Variants in URB2 observed in about 807,000 individuals in gnomAD.
URB2 encodes the protein URB2 ribosome biogenesis homolog, also known as unhealthy ribosome biogenesis protein 2 homolog.
Under a neutral mutation model 120.9 loss-of-function variants are expected in URB2, and 86 were observed. The observed-to-expected ratio is 0.71, with a 90% CI of 0.60 to 0.85. The LOEUF (loss-of-function observed/expected upper bound fraction) is 0.85. Ranked by LOEUF, URB2 falls within the 40% of genes least tolerant of loss-of-function variation. The probability of loss-of-function intolerance (pLI) is 0.00; values close to 1 mark genes in which losing one functional copy is unlikely to be tolerated. For missense variants in URB2, 1,765 were observed against 1,836.5 expected (o/e 0.96, Z 0.71); for synonymous variants, 755 against 758.4 (o/e 1.00, Z 0.07).
At chr1:229,652,419 A>G (rs1243456930) in intron 8 of URB2, among the ~76,000 whole-genome samples, 1 of 152,016 alleles carries the variant, frequency 6.6e-6, no homozygotes, top group Non-Finnish European at 1.5e-5. Flanking sequence ...CTCTCCCACC[A>G]TTGTGGTTCA....
intron 7 of URB2, among the ~76,000 whole-genome samples, chr1:229,648,045 C>T (rs113226585): frequency 5.3e-5 from 8 of 152,222 alleles, no homozygotes; most frequent in African/African-American, 1.9e-4. Context: ...CTCCAAAGCT[C>T]GAAACTTTTA....
At chr1:229,627,845 TAAA>T in intron 2 of URB2, 86 bp downstream of exon 2, 1 of 1,453,508 alleles carries the variant, frequency 6.9e-7, no homozygotes, top group Non-Finnish European at 9.1e-7. Context: ...TTGGTTAAAA[TAAA>T]AAAATAGAGA....
chr1:229,626,554 A>G (rs925931464), intron 1 of URB2, among the ~76,000 whole-genome samples, 198 bp downstream of exon 1: 2 of 152,086 alleles, frequency 1.3e-5, no homozygotes, highest in Non-Finnish European at 1.5e-5. Context: ...GCGAAGGCGA[A>G]CTCCCTCCTG....
chr1:229,630,999 A>G (rs1270241179), intron 2 of URB2, among the ~76,000 whole-genome samples: 1 of 151,410 alleles, frequency 6.6e-6, no homozygotes, highest in Non-Finnish European at 1.5e-5. Flanking sequence ...AAAAAAAAAA[A>G]AAAAAAGAAA....
chr1:229,634,504 C>T (rs1012795957), intron 3 of URB2, among the ~76,000 whole-genome samples: 1 of 152,166 alleles, frequency 6.6e-6, no homozygotes, highest in Non-Finnish European at 1.5e-5. Flanking sequence ...TGTGCCTGGC[C>T]TATAAACATG....
chr1:229,634,549 C>T (rs551585871), intron 3 of URB2, among the ~76,000 whole-genome samples: 1 of 152,318 alleles, frequency 6.6e-6, no homozygotes, highest in South Asian at 2.1e-4. Context: ...TTAAGTGCAA[C>T]TTTCCCTCTG....
At chr1:229,651,834 A>C (rs1161472780) in intron 8 of URB2, among the ~76,000 whole-genome samples, 1 of 152,220 alleles carries the variant, frequency 6.6e-6, no homozygotes, top group Admixed American at 6.5e-5. Context: ...TTCATTTTTC[A>C]GCTTTGAAGT....
At chr1:229,630,823 T>TA (rs973837959) in intron 2 of URB2, among the ~76,000 whole-genome samples, 11 of 149,634 alleles carry the variant, frequency 7.4e-5, no homozygotes, top group African/African-American at 1.2e-4. Context: ...CCCCTAAAAA[T>TA]AAAAAAAAAT....
chr1:229,628,195 A>G (rs990372067), intron 2 of URB2, among the ~76,000 whole-genome samples: 1 of 144,408 alleles, frequency 6.9e-6, no homozygotes, highest in Non-Finnish European at 1.5e-5. Flanking sequence ...TATATAATAT[A>G]TATGTATATA....
chr1:229,658,633 G>T (rs1244333821), intron 9 of URB2, among the ~76,000 whole-genome samples: 1 of 152,158 alleles, frequency 6.6e-6, no homozygotes, highest in Non-Finnish European at 1.5e-5. Context: ...GGGGTGAGAT[G>T]GGGGTCATAG....
chr1:229,659,032 T>G, intron 9 of URB2, 68 bp from the exon 10 acceptor site: 2 of 1,516,042 alleles, frequency 1.3e-6, no homozygotes, highest in Non-Finnish European at 9.0e-7. Context: ...CCCAAGGCAT[T>G]GTTGGCAGGT....
At chr1:229,654,449 CT>C in intron 9 of URB2, 61 bp downstream of exon 9, 1 of 1,603,872 alleles carries the variant, frequency 6.2e-7, no homozygotes, top group Non-Finnish European at 8.5e-7. Flanking sequence ...AGCAGGGTTT[CT>C]CAACCAAAAT....
rs569554362 is a variant in URB2, at chr1:229,643,448, A to G, written c.3635-85A>G. ...CTTGGTGATTTTTGATGGCGGCCAC[A>G]GCTGTGCGCAGTTTCATCCTATGGC... On this transcript the variant is annotated intron_variant, in intron 4 of 9. Transcript: ENST00000258243. The G allele has an allele frequency of 7.1e-5, 107 of 1,516,530 alleles. No homozygotes were observed. The South Asian group carries it at 1.0e-3, about 15-fold the overall frequency. The allele number at this position is 1,516,530 out of a possible 1,614,324, so 93.9% of individuals were successfully genotyped here.
Position 229,638,199 on chromosome 1 carries a change from G to A in URB2, c.3586G>A (p.Asp1196Asn). 1.2e-6 allele frequency: 2 copies of A among 1,613,240 alleles called. No homozygotes were observed. Among genetic ancestry groups the A allele is most frequent in the Non-Finnish European group, 1.7e-6 (2 of 1,179,632 alleles). ...GGCCCCAGAACTGCATCCCAAAAAG[G>A]ACTCCGTGTTTACCTCCATGTTTCA... The part of the protein sequence containing the change: ...FLAPELHPKK[D>N]SVFTSMFHSV... The change falls in exon 4 of 10, where the codon GAC becomes AAC. Residue 1196 changes from aspartate to asparagine, a missense_variant. By Grantham distance (23) the Asp-to-Asn change is conservative. Transcript: ENST00000258243.
intron 8 of URB2, among the ~76,000 whole-genome samples, chr1:229,653,522 A>G (rs1666331423): frequency 6.6e-6 from 1 of 152,122 alleles, no homozygotes; most frequent in South Asian, 2.1e-4. Context: ...CTGGAGTTTT[A>G]TAAAAATGTG....
intron 7 of URB2, among the ~76,000 whole-genome samples, chr1:229,650,219 G>A (rs189461242): frequency 8.5e-5 from 13 of 152,304 alleles, no homozygotes; most frequent in African/African-American, 3.1e-4. Context: ...TGTCTCCATC[G>A]TCCAGTATGG....
Position 229,637,560 on chromosome 1 carries a change from A to G in URB2, c.2947A>G (p.Ser983Gly), listed in dbSNP as rs1423265548. The change falls in exon 4 of 10, where the codon AGT (serine) becomes GGT (glycine). Residue 983 changes from serine to glycine, a missense_variant. Physicochemically the swap from Ser to Gly is moderately conservative, Grantham distance 56. Transcript: ENST00000258243. The stretch of plus-strand genomic sequence containing the variant: ...ACTGACCTCATTGTTCAGAGCTAGT[A>G]GTAGGTTCCTTATTGAGATGGATGA... ...VVLTSLFRAS[S>G]RFLIEMDDPA... The G allele has an allele frequency of 6.2e-6, 10 of 1,614,246 alleles. No individual in the cohort carries two copies. Among genetic ancestry groups the G allele is most frequent in the Non-Finnish European group, 8.5e-6 (10 of 1,180,040 alleles).
In URB2 at chr1:229,637,411, G is replaced by T; in HGVS notation, c.2798G>T (p.Cys933Phe). ...SMAVTKLGCS[C>F]SSSLALKFLT... Reference sequence around the variant, plus strand: ...GCCGTCACCAAACTAGGATGCTCTTGCTCCTCCTCACTGGCTCTCAAGTTC... The same window carrying T: ...GCCGTCACCAAACTAGGATGCTCTTTCTCCTCCTCACTGGCTCTCAAGTTC... The change falls in exon 4 of 10, where the codon TGC becomes TTC. Residue 933 changes from cysteine (C) to phenylalanine (F), a missense_variant. Coordinates refer to ENST00000258243, the MANE Select transcript of URB2 (RefSeq NM_014777.4). 6.2e-7 allele frequency: 1 copy of T among 1,614,172 alleles called. No homozygotes were observed. Among genetic ancestry groups the T allele is most frequent in the Non-Finnish European group, 8.5e-7 (1 of 1,180,040 alleles).
intron 8 of URB2, among the ~76,000 whole-genome samples, chr1:229,653,427 T>C (rs1666328514): frequency 1.3e-5 from 2 of 152,232 alleles, no homozygotes; most frequent in South Asian, 4.1e-4. Flanking sequence ...AAGATTCCTC[T>C]TGTTTCTTTG....
Sources: gnomAD v4.1 joint callset for allele counts (sites outside exome capture counted in the v4.1 genomes callset) on GRCh38, gnomAD v4.1.1 for gene constraint, MANE v1.5 for transcripts, NCBI Gene and HGNC (gene_info 2026-07-23, HGNC 2026-07-21) for gene names.